Variants in OSBPL3 observed in about 807,000 individuals in gnomAD.
OSBPL3 encodes oxysterol-binding protein-related protein 3.
OSBPL3 carries 65 observed loss-of-function variants against 120.1 expected under a neutral mutation model. The ratio of observed to expected loss-of-function variants is 0.54; its 90% CI spans 0.44 to 0.67. The LOEUF (loss-of-function observed/expected upper bound fraction) is 0.67, where lower values mean the gene tolerates loss of function less well. Ranked by LOEUF, OSBPL3 falls within the 30% of genes least tolerant of loss-of-function variation. The probability of loss-of-function intolerance (pLI) is 0.00; values close to 1 mark genes in which losing one functional copy is unlikely to be tolerated. For synonymous variants in OSBPL3, 416 were observed against 402.6 expected (o/e 1.03, Z -0.40); for missense variants, 1,004 against 1,082.1 (o/e 0.93, Z 1.01).
chr7:24,805,628 C>T lies in OSBPL3; in HGVS notation c.2444+1148G>A, dbSNP rs1222141501. Among the ~76,000 whole-genome samples the T allele has an allele frequency of 6.6e-6, 1 of 152,114 alleles. No homozygotes were observed. The highest frequency in any genetic ancestry group is 1.9e-4 in the East Asian group (1 of 5,194). ...GACAAACTGCACGAAACAGTACAAG[C>T]ATAATGTGCATAGCAAGATAGCTTG... On this transcript the variant is annotated intron_variant, in intron 21 of 22. Coordinates refer to ENST00000313367, the MANE Select transcript of OSBPL3 (RefSeq NM_015550.4). The surrounding 1 kb of genome is among the most constrained non-coding windows in gnomAD (Gnocchi z 4.0).
chr7:24,821,286 G>C lies in OSBPL3; in HGVS notation c.1885-1048C>G, dbSNP rs1041455110. On this transcript the variant is annotated intron_variant, in intron 16 of 22. Transcript: ENST00000313367. The surrounding 1 kb of genome is among the most constrained non-coding windows in gnomAD (Gnocchi z 5.5). ...CACCAATAGTCAGGGAAGAGGTAGC[G>C]GTAAGTCCCAGCAGTTTTGGTTTAC... Among the ~76,000 whole-genome samples the C allele has an allele frequency of 8.5e-5, 13 of 152,280 alleles. No homozygotes were observed. Among genetic ancestry groups the C allele is most frequent in the African/African-American group, 2.9e-4 (12 of 41,564 alleles).
At chr7:24,876,764 T>C (rs1182928481) in intron 2 of OSBPL3, among the ~76,000 whole-genome samples, 1 of 152,166 alleles carries the variant, frequency 6.6e-6, no homozygotes, top group Non-Finnish European at 1.5e-5. Context: ...AACCTAACTA[T>C]ATAAGCAATA....
intron 14 of OSBPL3, among the ~76,000 whole-genome samples, chr7:24,838,728 T>A (rs563329050): frequency 6.6e-6 from 1 of 152,318 alleles, no homozygotes; most frequent in Non-Finnish European, 1.5e-5. Context: ...CTTCCACATT[T>A]GTCAATCCTC....
At chr7:24,957,889 A>C (rs975854941) in intron 1 of OSBPL3, among the ~76,000 whole-genome samples, 2 of 152,196 alleles carry the variant, frequency 1.3e-5, no homozygotes, top group Non-Finnish European at 2.9e-5. Flanking sequence ...CATAAATGCC[A>C]TCATACACTG....
At chr7:24,853,869 G>A (rs1056181560) in intron 10 of OSBPL3, among the ~76,000 whole-genome samples, 1 of 152,160 alleles carries the variant, frequency 6.6e-6, no homozygotes, top group Non-Finnish European at 1.5e-5. Context: ...CTGTAAGTTT[G>A]TAATTGTTTC....
chr7:24,881,946 C>G lies in OSBPL3; in HGVS notation c.97-9877G>C, dbSNP rs527796623. Among the ~76,000 whole-genome samples the G allele has an allele frequency of 6.6e-6, 1 of 152,146 alleles. No individual in the cohort carries two copies. The highest frequency in any genetic ancestry group is 2.4e-5 in the African/African-American group (1 of 41,422). ...TCCTCTATGTCTGTCTTCTCCCGAA[C>G]GTGTTTCTTATAAGGACATTTGTCA... On this transcript the variant is annotated intron_variant, in intron 2 of 22. Coordinates refer to ENST00000313367, the MANE Select transcript of OSBPL3 (RefSeq NM_015550.4). This position sits in a 1 kb window ranked among gnomAD's most constrained non-coding sequence, Gnocchi z 4.3.
intron 2 of OSBPL3, among the ~76,000 whole-genome samples, chr7:24,875,273 C>T (rs1267995605): frequency 6.6e-6 from 1 of 152,158 alleles, no homozygotes; most frequent in Non-Finnish European, 1.5e-5. Flanking sequence ...TGGAACTTTA[C>T]CAAGTGTCTC....
In OSBPL3 at chr7:24,867,093, C is replaced by T. The variant is rs906072309; in HGVS notation, c.382-856G>A. Among the ~76,000 whole-genome samples the T allele has an allele frequency of 6.6e-6, 1 of 152,238 alleles. No individual in the cohort carries two copies. Among genetic ancestry groups the T allele is most frequent in the Non-Finnish European group, 1.5e-5 (1 of 68,044 alleles). The stretch of plus-strand genomic sequence containing the variant: ...GGGATTACAGGCGTGAGCCACCACA[C>T]CTGGCCTGTTATGCTATTTTTAAGA... On this transcript the variant is annotated intron_variant, in intron 5 of 22. Coordinates refer to ENST00000313367, the MANE Select transcript of OSBPL3 (RefSeq NM_015550.4). The surrounding 1 kb of genome is among the most constrained non-coding windows in gnomAD (Gnocchi z 4.5).
At position 24,824,921 on chromosome 7, in the gene OSBPL3, ACAGCAAAGGCCAATG is replaced by A. The variant is rs1260029109; in HGVS notation, c.1885-4698_1885-4684del. 6.6e-6 allele frequency among the ~76,000 whole-genome samples: 1 copy of A among 152,214 alleles called. No individual in the cohort carries two copies. The highest frequency in any genetic ancestry group is 2.4e-5 in the African/African-American group (1 of 41,448). ...GAGAAGCACGTCCCAGGCAGGGGAC[ACAGCAAAGGCCAATG>A]GCTGGAAAATGCTTGGTATGAAGCA... On this transcript the variant is annotated intron_variant, in intron 16 of 22. Coordinates refer to ENST00000313367, the MANE Select transcript of OSBPL3 (RefSeq NM_015550.4). This position sits in a 1 kb window ranked among gnomAD's most constrained non-coding sequence, Gnocchi z 4.9.
rs1196274495 is a variant in OSBPL3 at position 24,918,774 on chromosome 7, T to G, written c.-149-26153A>C. Among the ~76,000 whole-genome samples, 1 of 152,216 alleles carries G rather than the reference T, an allele frequency of 6.6e-6. No individual in the cohort carries two copies. The highest frequency in any genetic ancestry group is 1.5e-5 in the Non-Finnish European group (1 of 68,020). ...AATTCAGTAATTCCAATTCCTATGA[T>G]GACCCTGGAGAAAATACTTTCTAAA... On this transcript the variant is annotated intron_variant, in intron 1 of 22. Transcript: ENST00000313367. The surrounding 1 kb of genome is among the most constrained non-coding windows in gnomAD (Gnocchi z 4.3).
At position 24,952,633 on chromosome 7, in the gene OSBPL3, G is replaced by A; in HGVS notation, c.-150+27253C>T. ...TCAATACGGTTCATGCCAGGCATAT[G>A]TATATTCACATGCAAAATCCTGCAA... On this transcript the variant is annotated intron_variant, in intron 1 of 22. Transcript: ENST00000313367. This position sits in a 1 kb window ranked among gnomAD's most constrained non-coding sequence, Gnocchi z 4.4. 6.6e-6 allele frequency among the ~76,000 whole-genome samples: 1 copy of A among 152,164 alleles called. No individual in the cohort carries two copies. The highest frequency in any genetic ancestry group is 1.5e-5 in the Non-Finnish European group (1 of 68,038).
At chr7:24,951,032 C>G (rs1388870024) in intron 1 of OSBPL3, among the ~76,000 whole-genome samples, 1 of 152,094 alleles carries the variant, frequency 6.6e-6, no homozygotes, top group Non-Finnish European at 1.5e-5. Flanking sequence ...GTCAAAGCCC[C>G]ATTAAATGAT....
At chr7:24,816,382 C>G (rs1794465093) in intron 18 of OSBPL3, among the ~76,000 whole-genome samples, 1 of 152,192 alleles carries the variant, frequency 6.6e-6, no homozygotes, top group Non-Finnish European at 1.5e-5. Flanking sequence ...TAATAAGCAT[C>G]TATTCAGGGA....
intron 1 of OSBPL3, among the ~76,000 whole-genome samples, chr7:24,935,080 A>G (rs1442342962): frequency 3.9e-5 from 6 of 152,212 alleles, no homozygotes; most frequent in Admixed American, 2.0e-4. Context: ...CTCAATGCAT[A>G]GAAAATTTGA....
In OSBPL3 at chr7:24,830,882, T is replaced by C. The variant is rs1479062600; in HGVS notation, c.1770A>G (p.Ile590Met). ...GGTAGTAGCTAGATGCATACGCTGA[T>C]ATGGCAAAGGCTGCCACATATACCT... ...ERMVYVAAFAISAYASSYYRA... is the reference protein window; with the variant it reads ...ERMVYVAAFAMSAYASSYYRA... The change falls in exon 16 of 23, where the codon ATA becomes ATG. Residue 590 changes from isoleucine (I) to methionine (M), a missense_variant. Ile to Met is a conservative substitution (Grantham distance 10). This residue lies in a region of OSBPL3 where 473 missense variants were observed against 568.0 expected (regional missense o/e 0.83). Transcript: ENST00000313367. The surrounding 1 kb of genome is among the most constrained non-coding windows in gnomAD (Gnocchi z 4.4). 4 of 1,612,670 alleles carry C rather than the reference T, an allele frequency of 2.5e-6. No individual in the cohort carries two copies. The Admixed American group carries it at 6.7e-5, about 27-fold the overall frequency.
chr7:24,969,027 T>A (rs974749944), intron 1 of OSBPL3, among the ~76,000 whole-genome samples: 2 of 152,238 alleles, frequency 1.3e-5, no homozygotes, highest in African/African-American at 4.8e-5. Flanking sequence ...GGACTGTTAT[T>A]GCTGATTCAA....
intron 6 of OSBPL3, 127 bp from the exon 7 acceptor site, chr7:24,865,592 T>G (rs1198362033): frequency 1.1e-5 from 10 of 926,426 alleles, no homozygotes; most frequent in African/African-American, 1.7e-5. Context: ...AGGAAGAAGC[T>G]TCTAGCAAAG....
At chr7:24,874,677 T>C (rs1185894066) in intron 2 of OSBPL3, among the ~76,000 whole-genome samples, 1 of 152,140 alleles carries the variant, frequency 6.6e-6, no homozygotes, top group Non-Finnish European at 1.5e-5. Context: ...GTTGCATTTT[T>C]TTTTCCTACA....
In OSBPL3 at chr7:24,841,717, A is replaced by AAAAAAAAAAAAAAAAAAAAAAAAG. The variant is rs70942886; in HGVS notation, c.1401+561_1401+562insCTTTTTTTTTTTTTTTTTTTTTTT. The stretch of plus-strand genomic sequence containing the variant: ...CTCAAAAAAAAAAAAAAAAAAAAAA[A>AAAAAAAAAAAAAAAAAAAAAAAAG]AAAAGAGGCCAGGCACAGTGGCTCA... On this transcript the variant is annotated intron_variant, in intron 13 of 22. Transcript: ENST00000313367. Among the ~76,000 whole-genome samples, 83 of 82,794 alleles carry AAAAAAAAAAAAAAAAAAAAAAAAG rather than the reference A, an allele frequency of 1.0e-3. 21 individuals are homozygous for AAAAAAAAAAAAAAAAAAAAAAAAG. The highest frequency in any genetic ancestry group is 1.2e-3 in the Admixed American group (8 of 6,874). 54.3% of individuals were successfully genotyped at this position (82,794 alleles called of 152,430 possible). A position where few individuals can be genotyped will look rare whatever the true frequency, so the allele number is the denominator to read the frequency against.
Sources: allele counts gnomAD v4.1 joint callset (sites outside exome capture counted in the v4.1 genomes callset), GRCh38; gene constraint gnomAD v4.1.1; regional missense constraint gnomAD v4.1.1; non-coding constraint Gnocchi (gnomAD v3.1); transcripts MANE v1.5; gene names NCBI Gene and HGNC (gene_info 2026-07-23, HGNC 2026-07-21).